Variants in LRRC28 observed in about 807,000 individuals in gnomAD.
LRRC28 encodes leucine-rich repeat-containing protein 28.
Under a neutral mutation model 45.7 loss-of-function variants are expected in LRRC28, and 39 were observed. The observed-to-expected ratio is 0.85, with a 90% confidence interval of 0.66 to 1.12. LRRC28 has a LOEUF of 1.12. Ranked by LOEUF, LRRC28 falls within the 50% of genes most tolerant of loss-of-function variation. LRRC28 has a pLI of 0.00. For missense variants in LRRC28, 435 were observed against 438.5 expected (o/e 0.99, Z 0.07); for synonymous variants, 206 against 178.8 (o/e 1.15, Z -1.22).
At chr15:99,266,262 C>G (rs1302862973) in intron 2 of LRRC28, among the ~76,000 whole-genome samples, 1 of 151,850 alleles carries the variant, frequency 6.6e-6, no homozygotes. Flanking sequence ...TATGAACAGG[C>G]AAATGAAAAA....
intron 5 of LRRC28, among the ~76,000 whole-genome samples, chr15:99,290,162 A>G (rs1167387752): frequency 6.6e-6 from 1 of 151,072 alleles, no homozygotes; most frequent in South Asian, 2.1e-4. Context: ...GGGAGGCTGA[A>G]ACAGGAGAAC....
chr15:99,262,247 G>T (rs1456706739), intron 2 of LRRC28, among the ~76,000 whole-genome samples: 10 of 152,042 alleles, frequency 6.6e-5, no homozygotes, highest in African/African-American at 2.4e-4. Flanking sequence ...AGCCTAAAAA[G>T]TAGGATTGCT....
chr15:99,342,805 C>G (rs1956559242), intron 6 of LRRC28, among the ~76,000 whole-genome samples: 2 of 152,136 alleles, frequency 1.3e-5, no homozygotes, highest in Admixed American at 1.3e-4. Context: ...TGATGATCTA[C>G]CATGTGTAAA....
At chr15:99,330,519 C>G (rs12592717) in intron 5 of LRRC28, among the ~76,000 whole-genome samples, 15,838 of 152,038 alleles carry the variant, frequency 0.1, 1,182 homozygotes, top group East Asian at 0.31. Context: ...CATTTCTTGT[C>G]TATTTTTTTC....
At chr15:99,289,178 A>G (rs1402946312) in intron 5 of LRRC28, among the ~76,000 whole-genome samples, 1 of 152,210 alleles carries the variant, frequency 6.6e-6, no homozygotes, top group Non-Finnish European at 1.5e-5. Flanking sequence ...AGGAGCATCC[A>G]GAGACCTTGC....
intron 2 of LRRC28, among the ~76,000 whole-genome samples, chr15:99,263,154 C>CAA (rs68042511): frequency 1.6e-4 from 22 of 133,948 alleles, no homozygotes; most frequent in African/African-American, 3.0e-4. Flanking sequence ...ATAAAAAATA[C>CAA]AAAAAAAAAA....
chr15:99,343,656 T>C (rs889260372), intron 6 of LRRC28, among the ~76,000 whole-genome samples: 7 of 152,170 alleles, frequency 4.6e-5, no homozygotes, highest in Non-Finnish European at 1.0e-4. Context: ...TACTGAGCAA[T>C]TTTGCACAGG....
Position 99,352,375 on chromosome 15 carries a change from G to A in LRRC28, c.599G>A (p.Gly200Asp). The A allele has an allele frequency of 6.2e-7, 1 of 1,611,734 alleles. No homozygotes were observed. Among genetic ancestry groups the A allele is most frequent in the Non-Finnish European group, 8.5e-7 (1 of 1,178,712 alleles). ...ACTTTTCTTTCTAATCCAGATTTAG[G>A]TCGATCTCGAGAACTACAGTATGTA... The part of the protein sequence containing the change: ...NRLAFLPLDL[G>D]RSRELQYVYV... The change falls in exon 7 of 10, where the codon GGT (glycine) becomes GAT (aspartate). Residue 200 changes from glycine to aspartate, a missense_variant. Gly to Asp is a moderately conservative substitution (Grantham distance 94, BLOSUM62 -1). Coordinates refer to ENST00000301981, the MANE Select transcript of LRRC28 (RefSeq NM_144598.5).
chr15:99,330,666 A>G (rs1956132069), intron 5 of LRRC28, among the ~76,000 whole-genome samples: 1 of 152,102 alleles, frequency 6.6e-6, no homozygotes, highest in Non-Finnish European at 1.5e-5. Flanking sequence ...TATGCGGTTG[A>G]CAGCCTTCCC....
chr15:99,377,065 T>C (rs1411300332), intron 9 of LRRC28, among the ~76,000 whole-genome samples: 2 of 152,172 alleles, frequency 1.3e-5, no homozygotes, highest in Non-Finnish European at 2.9e-5. Context: ...TACCCAGTAA[T>C]GGGATTGCTG....
At chr15:99,293,207 C>T (rs2082170777) in intron 5 of LRRC28, among the ~76,000 whole-genome samples, 1 of 152,078 alleles carries the variant, frequency 6.6e-6, no homozygotes, top group Non-Finnish European at 1.5e-5. Context: ...CTTCCTTTTA[C>T]CCTCCTCCTT....
intron 9 of LRRC28, among the ~76,000 whole-genome samples, chr15:99,380,559 A>G (rs971757010): frequency 3.9e-5 from 6 of 152,118 alleles, no homozygotes; most frequent in Admixed American, 2.6e-4. Flanking sequence ...GTTATGTGTG[A>G]ATTTGATCCT....
intron 5 of LRRC28, among the ~76,000 whole-genome samples, chr15:99,296,502 C>T (rs1485575052): frequency 6.6e-6 from 1 of 152,214 alleles, no homozygotes; most frequent in Non-Finnish European, 1.5e-5. Context: ...ACTGATTACA[C>T]ATCAGTCTGG....
At chr15:99,275,577 G>A (rs937670489) in intron 2 of LRRC28, among the ~76,000 whole-genome samples, 3 of 152,178 alleles carry the variant, frequency 2.0e-5, no homozygotes, top group Non-Finnish European at 2.9e-5. Flanking sequence ...CAAAAACTGG[G>A]TAACTTAAAA....
At chr15:99,329,621 T>C (rs892044244) in intron 5 of LRRC28, among the ~76,000 whole-genome samples, 2 of 152,240 alleles carry the variant, frequency 1.3e-5, no homozygotes, top group African/African-American at 2.4e-5. Context: ...GTGGAAAAGG[T>C]TGAAACTTCC....
chr15:99,276,936 T>C (rs1228611339), intron 3 of LRRC28, among the ~76,000 whole-genome samples: 1 of 152,224 alleles, frequency 6.6e-6, no homozygotes, highest in Non-Finnish European at 1.5e-5. Context: ...TTGTTATTAC[T>C]ACTACTACAT....
chr15:99,381,732 G>A (rs1957831297), intron 9 of LRRC28, among the ~76,000 whole-genome samples: 1 of 152,184 alleles, frequency 6.6e-6, no homozygotes, highest in Admixed American at 6.5e-5. Flanking sequence ...CTTTCTGTTT[G>A]TTAGTTTTCT....
At chr15:99,339,012 C>T (rs2152300936) in intron 6 of LRRC28, among the ~76,000 whole-genome samples, 1 of 152,296 alleles carries the variant, frequency 6.6e-6, no homozygotes, top group South Asian at 2.1e-4. Context: ...AAAGCAGTCA[C>T]TTGAGCCTAG....
At chr15:99,341,083 CTTTTTTTTTTT>C (rs528372394) in intron 6 of LRRC28, among the ~76,000 whole-genome samples, 4 of 100,494 alleles carry the variant, frequency 4.0e-5, no homozygotes, top group Non-Finnish European at 7.6e-5. Flanking sequence ...ATTCTACTGT[CTTTTTTTTTTT>C]TTTTTTTTTT....
Sources: gnomAD v4.1 joint callset for allele counts (sites outside exome capture counted in the v4.1 genomes callset) on GRCh38, gnomAD v4.1.1 for gene constraint, MANE v1.5 for transcripts, NCBI Gene and HGNC (gene_info 2026-07-23, HGNC 2026-07-21) for gene names.